Variants in TTC23L observed in about 807,000 individuals in gnomAD.
The protein encoded by TTC23L is tetratricopeptide repeat domain 23 like.
Under a neutral mutation model 48.1 loss-of-function variants are expected in TTC23L, and 42 were observed. That is an observed-to-expected ratio of 0.87 (90% CI 0.68 to 1.13). TTC23L has a LOEUF of 1.13. TTC23L is among the 50% of genes most tolerant of loss of function. TTC23L has a pLI of 0.00. For missense variants in TTC23L, 391 were observed against 421.0 expected, an observed-to-expected ratio of 0.93 and a Z score of 0.62; for synonymous variants, 159 against 157.2, an observed-to-expected ratio of 1.01 and a Z score of -0.09.
At chr5:34,884,294 T>A (rs561495567) in intron 9 of TTC23L, among the ~76,000 whole-genome samples, 1 of 152,316 alleles carries the variant, frequency 6.6e-6, no homozygotes, top group South Asian at 2.1e-4. Context: ...ATGCAAAGCC[T>A]ACAGCTAATA....
downstream of TTC23L, among the ~76,000 whole-genome samples, chr5:34,904,074 T>A (rs1580503288): frequency 6.6e-6 from 1 of 151,266 alleles, no homozygotes; most frequent in South Asian, 2.1e-4. Flanking sequence ...CAAGCAATCC[T>A]CCCGCCTTAG....
At chr5:34,875,164 T>C (rs1761740207) in intron 8 of TTC23L, among the ~76,000 whole-genome samples, 1 of 152,184 alleles carries the variant, frequency 6.6e-6, no homozygotes, top group African/African-American at 2.4e-5. Flanking sequence ...ATACAATCCT[T>C]AATGTGTACG....
In TTC23L at chr5:34,846,561, CA is replaced by C. The variant is rs1156709677; in HGVS notation, c.255+904del. Among the ~76,000 whole-genome samples, 216 of 31,546 alleles carry C rather than the reference CA, an allele frequency of 6.8e-3. 4 individuals are homozygous for C. The highest frequency in any genetic ancestry group is 8.0e-3 in the African/African-American group (66 of 8,242). The allele number at this position is 31,546 out of a possible 152,430, so 20.7% of individuals were successfully genotyped here. The stretch of plus-strand genomic sequence containing the variant: ...GGCCGACAACAGCTAGACTCTGTCT[CA>C]AAAAAAAAAAAAAAATATATATATA... On this transcript the variant is annotated intron_variant, in intron 3 of 10. Coordinates refer to ENST00000505624, the Ensembl canonical transcript of TTC23L.
intron 8 of TTC23L, among the ~76,000 whole-genome samples, chr5:34,878,276 G>A (rs1171639907): frequency 6.6e-6 from 1 of 152,166 alleles, no homozygotes; most frequent in Non-Finnish European, 1.5e-5. Flanking sequence ...TGAGTTAGGA[G>A]AATTGCTTGA....
In TTC23L at chr5:34,879,665, AAGG is replaced by A. The variant is rs1762085533; in HGVS notation, c.950-513_950-511del. ...CTACAAAAAATTCCATGGATTTTAT[AAGG>A]AGAATAAAAACCAAAACATCATCTG... is the stretch of plus-strand genomic sequence containing the variant. On this transcript the variant is annotated intron_variant, in intron 8 of 10. Transcript: ENST00000505624. Among the ~76,000 whole-genome samples, 3 of 152,186 alleles carry A rather than the reference AAGG, an allele frequency of 2.0e-5. No homozygotes were observed. The South Asian group carries it at 6.2e-4, about 31-fold the overall frequency.
intron 3 of TTC23L, among the ~76,000 whole-genome samples, chr5:34,846,935 C>T (rs187552045): frequency 2.0e-5 from 3 of 151,708 alleles, no homozygotes; most frequent in African/African-American, 7.3e-5. Flanking sequence ...AAGAGCAAGT[C>T]AAAGACTTGA....
At chr5:34,845,749 G>A in intron 3 of TTC23L, 76 bp downstream of exon 3, 2 of 1,337,478 alleles carry the variant, frequency 1.5e-6, no homozygotes, top group Non-Finnish European at 2.0e-6. Context: ...TGCCTTCGAT[G>A]CAGATTGAAG....
At chr5:34,925,531 A>G in the TTC23L span, 93 of 1,568,082 alleles carry the variant, frequency 5.9e-5, no homozygotes, top group Non-Finnish European at 7.7e-5. Flanking sequence ...CAGTTACTTT[A>G]TATTTATTTT....
chr5:34,908,787 T>A, the TTC23L span: 26 of 1,603,544 alleles, frequency 1.6e-5, no homozygotes, highest in Non-Finnish European at 2.2e-5. Context: ...TTCAGGAACT[T>A]CTTCATCAGG....
the TTC23L span, among the ~76,000 whole-genome samples, chr5:34,910,732 G>A: frequency 0.054 from 8,185 of 152,174 alleles, 311 homozygotes; most frequent in South Asian, 0.1. Context: ...TTTTACAGCC[G>A]GGCCTGTAAT....
chr5:34,841,856 C>T (rs990827303), intron 2 of TTC23L, among the ~76,000 whole-genome samples: 5 of 152,166 alleles, frequency 3.3e-5, no homozygotes, highest in African/African-American at 7.2e-5. Context: ...CAGGGTTTCT[C>T]GGTCTCTGCA....
At chr5:34,919,327 A>G in the TTC23L span, among the ~76,000 whole-genome samples, 2 of 149,694 alleles carry the variant, frequency 1.3e-5, no homozygotes, top group Non-Finnish European at 3.0e-5. Flanking sequence ...TGGCAGCGCC[A>G]TCATATGGCT....
At chr5:34,907,434 T>C in the TTC23L span, 1 of 152,234 alleles carries the variant, frequency 6.6e-6, no homozygotes, top group South Asian at 2.1e-4. Context: ...GGAGGGACAC[T>C]CAGCTGTTGT....
At chr5:34,840,776 C>G (rs1418028871) in intron 2 of TTC23L, 37 bp downstream of exon 2, 1 of 1,595,638 alleles carries the variant, frequency 6.3e-7, no homozygotes, top group Non-Finnish European at 8.6e-7. Context: ...CAGGTACTTA[C>G]TGGGCTGAAA....
intron 3 of TTC23L, among the ~76,000 whole-genome samples, chr5:34,849,939 C>T (rs892460812): frequency 1.3e-5 from 2 of 152,254 alleles, no homozygotes; most frequent in African/African-American, 4.8e-5. Context: ...CTGCTGTGGC[C>T]AGCCAGGTCA....
chr5:34,910,036 G>A, the TTC23L span, among the ~76,000 whole-genome samples: 1 of 151,912 alleles, frequency 6.6e-6, no homozygotes, highest in South Asian at 2.1e-4. Flanking sequence ...TCTCTGACCC[G>A]TCTCATCCAT....
intron 9 of TTC23L, among the ~76,000 whole-genome samples, chr5:34,888,810 C>T (rs141853666): frequency 3.2e-4 from 48 of 152,214 alleles, no homozygotes; most frequent in African/African-American, 1.1e-3. Context: ...AGAAAAGCCC[C>T]GCAAGACAAG....
chr5:34,856,912 A>T (rs1760184666), intron 4 of TTC23L, among the ~76,000 whole-genome samples: 1 of 152,224 alleles, frequency 6.6e-6, no homozygotes, highest in African/African-American at 2.4e-5. Flanking sequence ...CCAGGGATGA[A>T]GGGAAGCAAT....
intron 2 of TTC23L, among the ~76,000 whole-genome samples, chr5:34,844,440 G>C (rs1758942604): frequency 1.7e-5 from 1 of 60,302 alleles, no homozygotes. Context: ...GTGAGCAGCA[G>C]CAGCAAAAAA....
Sources: gnomAD v4.1 joint callset for allele counts (sites outside exome capture counted in the v4.1 genomes callset) on GRCh38, gnomAD v4.1.1 for gene constraint, MANE v1.5 for transcripts, NCBI Gene and HGNC (gene_info 2026-07-23, HGNC 2026-07-21) for gene names.